The following NISCH variants were observed in gnomAD, a reference collection of about 807,000 sequenced individuals.
NISCH encodes nischarin.
Under a neutral mutation model 138.4 loss-of-function variants are expected in NISCH, and 55 were observed. That is an observed-to-expected ratio of 0.40 (90% CI 0.32 to 0.50). The LOEUF is 0.50. Ranked by LOEUF, NISCH falls within the 20% of genes least tolerant of loss-of-function variation. The pLI, the probability that NISCH is intolerant of heterozygous loss-of-function variation, is 0.71. For synonymous variants in NISCH, 860 were observed against 861.5 expected (o/e 1.00, Z 0.03); for missense variants, 1,643 against 2,005.5 (o/e 0.82, Z 3.45).
intron 13 of NISCH, among the ~76,000 whole-genome samples, chr3:52,482,205 GT>G (rs756545248): frequency 6.6e-6 from 1 of 152,194 alleles, no homozygotes; most frequent in Non-Finnish European, 1.5e-5. Context: ...GATGGACAGG[GT>G]TTTTTAGCGC....
At chr3:52,480,547 CG>C in intron 13 of NISCH, 2 of 1,469,808 alleles carry the variant, frequency 1.4e-6, no homozygotes, top group Non-Finnish European at 1.8e-6. Flanking sequence ...TCTAGGAGAC[CG>C]CAGGGTGTCT....
In NISCH at chr3:52,492,360, C is replaced by T. The variant is rs771749211; in HGVS notation, c.4393C>T (p.Arg1465Cys). ...PGGPARASQG[R>C]EVQWQVFVPS... ...TGGCCCGGCTAGAGCCAGCCAGGGC[C>T]GTGAAGTCCAGTGGCAGGTGTTTGT... Residue 1465 changes from arginine to cysteine, a missense_variant, in exon 21 of 21, where the codon CGT becomes TGT. By Grantham distance (180) the Arg-to-Cys change is radical. Transcript: ENST00000345716. 14 of 1,613,364 alleles carry T rather than the reference C, an allele frequency of 8.7e-6. No homozygotes were observed. The highest frequency in any genetic ancestry group is 1.6e-4 in the Middle Eastern group (1 of 6,062).
Position 52,484,627 on chromosome 3 carries a change from C to A in NISCH, c.1643C>A (p.Pro548His). 1.2e-6 allele frequency: 2 copies of A among 1,614,022 alleles called. No homozygotes were observed. Among genetic ancestry groups the A allele is most frequent in the Non-Finnish European group, 1.7e-6 (2 of 1,180,012 alleles). The change falls in exon 14 of 21, where the codon CCT (proline) becomes CAT (histidine). Residue 548 changes from proline (P) to histidine (H), a missense_variant. By Grantham distance (77) the Pro-to-His change is moderately conservative (BLOSUM62 -2). Transcript: ENST00000345716. ...TGTTCTGATTCCTTGGAGTCCATCC[C>A]TGCGGGACAGGTAATGCCCTCTTCC... ...QGCSDSLESIPAGQAASDDLR... is the reference protein window; with the variant it reads ...QGCSDSLESIHAGQAASDDLR...
rs1707167831 is a variant in NISCH at position 52,478,438 on chromosome 3, A to T, written c.1174-11A>T. ...GAAGGGACCAAAGGGGATGGAACTC[A>T]TACCTTGCAGATGGAGGAGGTCCGG... is the stretch of plus-strand genomic sequence containing the variant. On this transcript the variant is annotated splice_polypyrimidine_tract_variant and intron_variant, in intron 10 of 20. Coordinates refer to ENST00000345716, the MANE Select transcript of NISCH (RefSeq NM_007184.4). 1 of 1,614,116 alleles carries T rather than the reference A, an allele frequency of 6.2e-7. No individual in the cohort carries two copies. Among genetic ancestry groups the T allele is most frequent in the Non-Finnish European group, 8.5e-7 (1 of 1,180,042 alleles).
chr3:52,480,513 G>T (rs149560096), intron 13 of NISCH: 2 of 1,513,546 alleles, frequency 1.3e-6, no homozygotes, highest in Non-Finnish European at 1.8e-6. Context: ...ACTCCCAATT[G>T]CTCTGATGCC....
At chr3:52,477,234 A>G (rs551200535) in intron 8 of NISCH, among the ~76,000 whole-genome samples, 2 of 152,228 alleles carry the variant, frequency 1.3e-5, no homozygotes, top group Non-Finnish European at 2.9e-5. Context: ...GCATTTGGGC[A>G]GTAAGAGTGT....
Position 52,458,851 on chromosome 3 carries a change from T to G in NISCH, c.360+7T>G, listed in dbSNP as rs1275094989. On this transcript the variant is annotated splice_region_variant and intron_variant, in intron 3 of 20. Transcript: ENST00000345716. ...CTTGCATTTTCACTTCTATGTAAGT[T>G]CCTCATCGGGTTTTCACCTGTGCCT... 5 of 1,584,154 alleles carry G rather than the reference T, an allele frequency of 3.2e-6. No individual in the cohort carries two copies. The highest frequency in any genetic ancestry group is 4.3e-6 in the Non-Finnish European group (5 of 1,167,482).
rs147047557 is a variant in NISCH at position 52,487,700 on chromosome 3, C to T, written c.2208C>T (p.Ile736=). The T allele has an allele frequency of 7.6e-4, 1,229 of 1,613,724 alleles. 1 individual carries two copies. The highest frequency in any genetic ancestry group is 9.4e-4 in the Non-Finnish European group (1,104 of 1,180,020). ...AACLVLTDFG[I]AVFEIPHQES... Reference sequence around the variant, plus strand: ...GCCTTGTGCTCACCGACTTCGGCATCGCAGTCTTCGAGATCCCGCACCAGG... The same window carrying T: ...GCCTTGTGCTCACCGACTTCGGCATTGCAGTCTTCGAGATCCCGCACCAGG... The change falls in exon 16 of 21, where the codon ATC becomes ATT. Residue 736 remains isoleucine, a synonymous_variant. Transcript: ENST00000345716. This position sits in a 1 kb window ranked among gnomAD's most constrained non-coding sequence, Gnocchi z 9.1.
chr3:52,476,637 C>T (rs1405998145), intron 8 of NISCH, 38 bp downstream of exon 8: 1 of 1,605,652 alleles, frequency 6.2e-7, no homozygotes, highest in South Asian at 1.1e-5. Flanking sequence ...GTTTCTCTGG[C>T]CCCACCAAAC....
chr3:52,482,328 G>A (rs576046054), intron 13 of NISCH, among the ~76,000 whole-genome samples: 10 of 152,202 alleles, frequency 6.6e-5, no homozygotes, highest in African/African-American at 2.4e-4. Flanking sequence ...GCGCTGTCCA[G>A]ACAACACCCA....
intron 6 of NISCH, among the ~76,000 whole-genome samples, chr3:52,472,630 C>T (rs1706985223): frequency 6.6e-6 from 1 of 152,230 alleles, no homozygotes; most frequent in Non-Finnish European, 1.5e-5. Context: ...GGGCGGTTAG[C>T]CAGGGTGGAG....
rs1391042798 is a variant in NISCH, at chr3:52,489,628, A to G, written c.3406A>G (p.Ser1136Gly). 1.2e-5 allele frequency: 20 copies of G among 1,612,962 alleles called. No homozygotes were observed. The highest frequency in any genetic ancestry group is 1.7e-5 in the Non-Finnish European group (20 of 1,179,936). ...PACPSLRHVA[S>G]LRGSAIIELF... ...CTGCCCGTCGCTCCGGCACGTCGCC[A>G]GCCTGCGGGGCAGCGCCATCATCGA... The change falls in exon 17 of 21, where the codon AGC becomes GGC. Residue 1136 changes from serine (S) to glycine (G), a missense_variant. By Grantham distance (56) the Ser-to-Gly change is moderately conservative. Transcript: ENST00000345716.
rs755540347 is a variant in NISCH at position 52,487,450 on chromosome 3, G to T, written c.1958G>T (p.Arg653Leu). 1 of 1,604,974 alleles carries T rather than the reference G, an allele frequency of 6.2e-7. No homozygotes were observed. Residue 653 changes from arginine to leucine, a missense_variant, in exon 16 of 21, where the codon CGC becomes CTC. Coordinates refer to ENST00000345716, the MANE Select transcript of NISCH (RefSeq NM_007184.4). This position sits in a 1 kb window ranked among gnomAD's most constrained non-coding sequence, Gnocchi z 9.1. The stretch of plus-strand genomic sequence containing the variant: ...GAAGAGGAGGACGTGGCTGAGAACC[G>T]CTACTTTGAAATGGGGCCCCCAGAC... ...EEEEEDVAENRYFEMGPPDVE... is the reference protein window; with the variant it reads ...EEEEEDVAENLYFEMGPPDVE...
chr3:52,456,888 A>G (rs1706489860), intron 1 of NISCH, among the ~76,000 whole-genome samples: 1 of 152,148 alleles, frequency 6.6e-6, no homozygotes, highest in Non-Finnish European at 1.5e-5. Context: ...GCCATCAGCT[A>G]TGGGCACATT....
At chr3:52,483,056 C>T (rs990073674) in intron 13 of NISCH, among the ~76,000 whole-genome samples, 3 of 152,182 alleles carry the variant, frequency 2.0e-5, no homozygotes, top group Non-Finnish European at 2.9e-5. Flanking sequence ...AGGAGTTGAA[C>T]GTTAGCAGGC....
chr3:52,476,377 A>G (rs1707097117), intron 7 of NISCH, 70 bp from the exon 8 acceptor site: 13 of 1,560,938 alleles, frequency 8.3e-6, no homozygotes, highest in Non-Finnish European at 1.1e-5. Flanking sequence ...AAATTCTGCA[A>G]CGACTGTGTT....
Position 52,487,127 on chromosome 3 carries a change from A to G in NISCH, c.1704-69A>G. 1 of 1,533,058 alleles carries G rather than the reference A, an allele frequency of 6.5e-7. No individual in the cohort carries two copies. Among genetic ancestry groups the G allele is most frequent in the Non-Finnish European group, 8.8e-7 (1 of 1,131,726 alleles). The allele number at this position is 1,533,058 out of a possible 1,614,324, so 95.0% of individuals were successfully genotyped here. A position where few individuals can be genotyped will look rare whatever the true frequency, so the allele number is the denominator to read the frequency against. ...GGGTCAGGGTGTAGCAGTGGGCTCC[A>G]GATGTGGCAGGTGGGAGGTGGGAGG... is the stretch of plus-strand genomic sequence containing the variant. On this transcript the variant is annotated intron_variant, in intron 15 of 20. Transcript: ENST00000345716. The surrounding 1 kb of genome is among the most constrained non-coding windows in gnomAD (Gnocchi z 9.1).
At chr3:52,467,245 C>T (rs1207932021) in intron 3 of NISCH, among the ~76,000 whole-genome samples, 1 of 152,102 alleles carries the variant, frequency 6.6e-6, no homozygotes, top group Non-Finnish European at 1.5e-5. Context: ...AAGTGATCCG[C>T]CCGCCTCGGC....
Position 52,471,991 on chromosome 3 carries a change from A to C in NISCH, c.573+14A>C. 5.1e-6 allele frequency: 8 copies of C among 1,566,344 alleles called. No individual in the cohort carries two copies. Among genetic ancestry groups the C allele is most frequent in the Non-Finnish European group, 6.9e-6 (8 of 1,152,498 alleles). On this transcript the variant is annotated intron_variant, in intron 5 of 20. Transcript: ENST00000345716. ...AAGTACCTTAAGGTAAAGCTGCAGC[A>C]GCTCAGTCATGGAGAGCCCCGCAGT...
Sources: allele counts gnomAD v4.1 joint callset (sites outside exome capture counted in the v4.1 genomes callset), GRCh38; gene constraint gnomAD v4.1.1; non-coding constraint Gnocchi (gnomAD v3.1); transcripts MANE v1.5; gene names NCBI Gene and HGNC (gene_info 2026-07-23, HGNC 2026-07-21).